The following FOXP1 variants were observed in gnomAD, a reference collection of about 807,000 sequenced individuals.
The protein encoded by FOXP1 is forkhead box P1, also known as forkhead box protein P1.
FOXP1 carries 15 observed loss-of-function variants against 98.2 expected under a neutral mutation model. The observed-to-expected ratio is 0.15, with a 90% CI of 0.10 to 0.24. The LOEUF (loss-of-function observed/expected upper bound fraction) is 0.24, where lower values mean the gene tolerates loss of function less well. Among genes scored for constraint, FOXP1 ranks in the 10% least tolerant of loss-of-function variants. The probability of loss-of-function intolerance (pLI) is 1.00; values close to 1 mark genes in which losing one functional copy is unlikely to be tolerated. For synonymous variants in FOXP1, 371 were observed against 314.5 expected, an observed-to-expected ratio of 1.18 and a Z score of -1.90; for missense variants, 633 against 848.5, an observed-to-expected ratio of 0.75 and a Z score of 3.15.
chr3:71,108,890 C>T (rs989819745), intron 7 of FOXP1, among the ~76,000 whole-genome samples: 3 of 152,188 alleles, frequency 2.0e-5, no homozygotes, highest in African/African-American at 7.2e-5. Flanking sequence ...TTCTGTATCC[C>T]ATGAACACCA....
At chr3:71,121,383 G>A (rs75177716) in intron 6 of FOXP1, among the ~76,000 whole-genome samples, 5 of 151,602 alleles carry the variant, frequency 3.3e-5, no homozygotes, top group African/African-American at 7.3e-5. Context: ...AAAAAAAGGG[G>A]GGGGGGATAT....
intron 3 of FOXP1, among the ~76,000 whole-genome samples, chr3:71,452,418 T>A (rs933336858): frequency 1.3e-5 from 2 of 152,200 alleles, no homozygotes; most frequent in African/African-American, 4.8e-5. Flanking sequence ...CAATGATACC[T>A]TATTTTCTAA....
chr3:71,139,390 A>C (rs1405963667), intron 6 of FOXP1, among the ~76,000 whole-genome samples: 1 of 152,182 alleles, frequency 6.6e-6, no homozygotes, highest in African/African-American at 2.4e-5. Context: ...TAGAAATGAT[A>C]ACCACAGTAA....
At chr3:70,997,475 A>G (rs1284794187) in intron 13 of FOXP1, among the ~76,000 whole-genome samples, 6 of 152,212 alleles carry the variant, frequency 3.9e-5, no homozygotes, top group Non-Finnish European at 8.8e-5. Context: ...AAGACTCTCA[A>G]TCGAATCCTT....
intron 5 of FOXP1, among the ~76,000 whole-genome samples, chr3:71,236,400 T>C (rs753574268): frequency 5.9e-5 from 9 of 152,224 alleles, no homozygotes; most frequent in African/African-American, 9.7e-5. Context: ...CAGTTCTCGA[T>C]TGACTTTTTG....
intron 3 of FOXP1, among the ~76,000 whole-genome samples, chr3:71,364,157 G>A (rs2078755924): frequency 6.6e-6 from 1 of 152,206 alleles, no homozygotes; most frequent in Non-Finnish European, 1.5e-5. Context: ...GTTGGTTACA[G>A]CTGCTAGTAT....
chr3:71,064,454 A>G (rs1040856948), intron 7 of FOXP1, among the ~76,000 whole-genome samples: 5 of 152,136 alleles, frequency 3.3e-5, no homozygotes, highest in African/African-American at 7.2e-5. Flanking sequence ...ATCGCAAACG[A>G]AAAAGAGAGA....
chr3:71,183,890 C>T (rs1056070167), intron 6 of FOXP1, among the ~76,000 whole-genome samples: 5 of 151,974 alleles, frequency 3.3e-5, no homozygotes, highest in African/African-American at 7.3e-5. Flanking sequence ...TGGTGGCTCA[C>T]GTCTGTAATC....
At chr3:71,475,040 T>G (rs978417922) in intron 3 of FOXP1, among the ~76,000 whole-genome samples, 3 of 152,082 alleles carry the variant, frequency 2.0e-5, no homozygotes, top group Non-Finnish European at 4.4e-5. Context: ...AGCTCAAGTC[T>G]GAAGTCATGA....
chr3:71,515,758 G>T (rs1216048321), intron 2 of FOXP1, among the ~76,000 whole-genome samples: 1 of 152,140 alleles, frequency 6.6e-6, no homozygotes, highest in Non-Finnish European at 1.5e-5. Context: ...CACCTTTACT[G>T]GTTCAACATA....
chr3:71,014,855 G>C (rs1369295229), intron 12 of FOXP1, among the ~76,000 whole-genome samples: 1 of 152,106 alleles, frequency 6.6e-6, no homozygotes, highest in Non-Finnish European at 1.5e-5. Context: ...CACAGATGAA[G>C]CTGGAAACCA....
intron 19 of FOXP1, chr3:70,968,992 G>T (rs922420400): frequency 6.6e-6 from 1 of 152,182 alleles, no homozygotes; most frequent in Admixed American, 6.5e-5. Flanking sequence ...CGGCAGGACA[G>T]TTTTGGGCTA....
chr3:71,418,815 A>G (rs1577396084), intron 3 of FOXP1, among the ~76,000 whole-genome samples: 1 of 152,084 alleles, frequency 6.6e-6, no homozygotes, highest in South Asian at 2.1e-4. Context: ...CACTGTCACT[A>G]TCACAAAAAT....
intron 7 of FOXP1, among the ~76,000 whole-genome samples, chr3:71,054,306 TA>T (rs1295171196): frequency 6.6e-6 from 1 of 152,258 alleles, no homozygotes; most frequent in Non-Finnish European, 1.5e-5. Flanking sequence ...TGATGCCTTT[TA>T]CTCTTCCTTA....
At chr3:71,444,084 T>C (rs1011149307) in intron 3 of FOXP1, among the ~76,000 whole-genome samples, 3 of 152,172 alleles carry the variant, frequency 2.0e-5, no homozygotes, top group Non-Finnish European at 4.4e-5. Flanking sequence ...GTGATTTCTC[T>C]CTCAAACGCC....
At chr3:71,545,010 AATG>A (rs1178061991) in intron 2 of FOXP1, among the ~76,000 whole-genome samples, 2 of 152,238 alleles carry the variant, frequency 1.3e-5, no homozygotes, top group African/African-American at 4.8e-5. Context: ...TGAGAAAGAA[AATG>A]ATATTTCCAA....
In FOXP1 at chr3:71,122,394, C is replaced by T. The variant is rs76877174; in HGVS notation, c.181-9757G>A. Among the ~76,000 whole-genome samples, 10 of 152,160 alleles carry T rather than the reference C, an allele frequency of 6.6e-5. No individual in the cohort carries two copies. In the East Asian group the frequency reaches 1.2e-3, roughly 18 times the overall value. ...CAAACAAGAATAATAATCCAAAATG[C>T]GGAACTACTCACTACTGGCCAAATA... On this transcript the variant is annotated intron_variant, in intron 6 of 20. Coordinates refer to ENST00000649528, the MANE Select transcript of FOXP1 (RefSeq NM_001349338.3).
chr3:71,294,352 C>T (rs776924620), intron 5 of FOXP1, among the ~76,000 whole-genome samples: 7 of 152,188 alleles, frequency 4.6e-5, no homozygotes, highest in Non-Finnish European at 8.8e-5. Context: ...GTTAATCTCA[C>T]ATAACTTCCA....
chr3:71,176,944 T>C (rs2061977398), intron 6 of FOXP1, among the ~76,000 whole-genome samples: 1 of 151,516 alleles, frequency 6.6e-6, no homozygotes, highest in African/African-American at 2.4e-5. Context: ...GCGCCTGTAG[T>C]CCCAGCTACT....
Sources: allele counts gnomAD v4.1 joint callset (sites outside exome capture counted in the v4.1 genomes callset), GRCh38; gene constraint gnomAD v4.1.1; transcripts MANE v1.5; gene names NCBI Gene and HGNC (gene_info 2026-07-23, HGNC 2026-07-21).